The following CFAP54 variants were observed in gnomAD, a reference collection of about 807,000 sequenced individuals.
CFAP54 encodes cilia and flagella associated protein 54.
In CFAP54, 290 loss-of-function variants were observed where a neutral mutation model predicts 370.4. That is an observed-to-expected ratio of 0.78 (90% CI 0.71 to 0.86). CFAP54 has a LOEUF of 0.86. Ranked by LOEUF, CFAP54 falls within the 40% of genes least tolerant of loss-of-function variation. The pLI is 0.00. For synonymous variants in CFAP54, 1,206 were observed against 1,236.5 expected (o/e 0.98, Z 0.52); for missense variants, 3,399 against 3,528.7 (o/e 0.96, Z 0.93).
intron 2 of CFAP54, among the ~76,000 whole-genome samples, chr12:96,501,783 T>C (rs113581949): frequency 0.012 from 1,800 of 152,342 alleles, 21 homozygotes; most frequent in Middle Eastern, 0.031. Flanking sequence ...AAATAGAGGA[T>C]ATGAGTGGTG....
At chr12:96,825,359 T>TATATAATATAA in intron 65 of CFAP54, among the ~76,000 whole-genome samples, 1 of 124,908 alleles carries the variant, frequency 8.0e-6, no homozygotes, top group African/African-American at 3.1e-5. Flanking sequence ...ACATGTTATA[T>TATATAATATAA]TATATATTAT....
At chr12:96,557,721 A>G (rs559910073) in intron 17 of CFAP54, among the ~76,000 whole-genome samples, 3 of 152,066 alleles carry the variant, frequency 2.0e-5, no homozygotes, top group Non-Finnish European at 4.4e-5. Context: ...ATAAAATGAA[A>G]GACTACATTC....
chr12:96,702,220 TA>T (rs1448100257), intron 46 of CFAP54, among the ~76,000 whole-genome samples: 3 of 64,892 alleles, frequency 4.6e-5, no homozygotes, highest in African/African-American at 1.1e-4. Context: ...CTGCTCCAGA[TA>T]GGAGCATGTT....
At chr12:96,504,994 TTTTCTTTCTTTC>T (rs140087516) in intron 3 of CFAP54, among the ~76,000 whole-genome samples, 2 of 148,916 alleles carry the variant, frequency 1.3e-5, no homozygotes, top group African/African-American at 2.5e-5. Context: ...TCTTCTTTCT[TTTTCTTTCTTTC>T]TTTCTTTCTT....
At chr12:96,812,144 G>A (rs1958934477) in intron 64 of CFAP54, among the ~76,000 whole-genome samples, 2 of 152,156 alleles carry the variant, frequency 1.3e-5, no homozygotes, top group African/African-American at 2.4e-5. Flanking sequence ...ATAGTACTGA[G>A]GGTTGCTGAA....
intron 44 of CFAP54, among the ~76,000 whole-genome samples, chr12:96,693,359 T>G (rs1325262157): frequency 6.6e-6 from 1 of 152,244 alleles, no homozygotes; most frequent in African/African-American, 2.4e-5. Flanking sequence ...GTAGCTCATT[T>G]GCTAGAATTT....
intron 17 of CFAP54, among the ~76,000 whole-genome samples, chr12:96,561,013 T>A (rs79119601): frequency 0.011 from 1,738 of 152,354 alleles, 20 homozygotes; most frequent in Middle Eastern, 0.034. Context: ...ATTCCTTTTT[T>A]ACTAATCTTT....
chr12:96,540,815 G>A (rs1259550341), intron 13 of CFAP54, 22 bp from the exon 14 acceptor site: 2 of 1,373,672 alleles, frequency 1.5e-6, no homozygotes, highest in African/African-American at 1.5e-5. Context: ...AATTAATTTT[G>A]CTGTGTATTT....
At chr12:96,722,345 G>T (rs917640490) in intron 50 of CFAP54, among the ~76,000 whole-genome samples, 2 of 152,132 alleles carry the variant, frequency 1.3e-5, no homozygotes, top group African/African-American at 4.8e-5. Flanking sequence ...CATTGATGAG[G>T]TGACATCTGA....
At chr12:96,500,542 A>G (rs911133626) in intron 1 of CFAP54, among the ~76,000 whole-genome samples, 2 of 152,176 alleles carry the variant, frequency 1.3e-5, no homozygotes, top group African/African-American at 4.8e-5. Flanking sequence ...GTTTGGGGGC[A>G]CAGGGTATAT....
intron 28 of CFAP54, among the ~76,000 whole-genome samples, chr12:96,624,981 T>A (rs1956535048): frequency 1.3e-5 from 2 of 152,204 alleles, no homozygotes; most frequent in Admixed American, 1.3e-4. Flanking sequence ...TTTCATAATA[T>A]CAGTAAAAAT....
rs1956136125 is a variant in CFAP54 at position 96,592,512 on chromosome 12, G to A, written c.3235G>A (p.Glu1079Lys). The A allele has an allele frequency of 1.3e-6, 1 of 741,864 alleles. No homozygotes were observed. Among genetic ancestry groups the A allele is most frequent in the Admixed American group, 3.3e-5 (1 of 30,446 alleles). The allele number at this position is 741,864 out of a possible 1,614,324, so 46.0% of individuals were successfully genotyped here. ...CAGATTACATTCAGATATTTTGGCA[G>A]AGACTTCTTCAATCCTCTTGTACCT... ...QRRLHSDILA[E>K]TSSILLYLFL... The change falls in exon 24 of 68, where the codon GAG becomes AAG. Residue 1079 changes from glutamate to lysine, a missense_variant. Physicochemically the swap from Glu to Lys is moderately conservative, Grantham distance 56. Coordinates refer to ENST00000524981, the MANE Select transcript of CFAP54 (RefSeq NM_001306084.2).
chr12:96,836,784 G>C (rs1346023938), intron 66 of CFAP54, among the ~76,000 whole-genome samples: 2 of 152,094 alleles, frequency 1.3e-5, no homozygotes, highest in African/African-American at 4.8e-5. Flanking sequence ...TTATATGGTT[G>C]AATTTAGTAC....
chr12:96,523,473 A>G (rs2136371196), intron 8 of CFAP54, among the ~76,000 whole-genome samples: 1 of 152,318 alleles, frequency 6.6e-6, no homozygotes, highest in Non-Finnish European at 1.5e-5. Context: ...GTTTTTGGAC[A>G]TGGTACCTTT....
intron 45 of CFAP54, among the ~76,000 whole-genome samples, chr12:96,694,533 C>A (rs1249965355): frequency 6.6e-6 from 1 of 152,028 alleles, no homozygotes; most frequent in Non-Finnish European, 1.5e-5. Context: ...CATATATTCA[C>A]CCTTTTTTCT....
intron 58 of CFAP54, among the ~76,000 whole-genome samples, chr12:96,763,670 T>C (rs1958363362): frequency 1.3e-5 from 2 of 152,050 alleles, no homozygotes; most frequent in African/African-American, 4.8e-5. Flanking sequence ...TCCCAGCTAC[T>C]TGGGAGTCTG....
chr12:96,792,214 C>T (rs1370103886), intron 62 of CFAP54, 115 bp from the exon 63 acceptor site: 18 of 863,800 alleles, frequency 2.1e-5, no homozygotes, highest in Non-Finnish European at 2.5e-5. Flanking sequence ...AGATTTACCT[C>T]CATAAAACAA....
In CFAP54 at chr12:96,753,819, G is replaced by T. The variant is rs749508198; in HGVS notation, c.7761G>T (p.Leu2587=). 6.2e-7 allele frequency: 1 copy of T among 1,614,044 alleles called. No homozygotes were observed. Among genetic ancestry groups the T allele is most frequent in the Non-Finnish European group, 8.5e-7 (1 of 1,179,952 alleles). ...DPSKWLPALH[L]FDVALKLCRT... ...CGAAGTGGTTACCTGCTCTTCATCT[G>T]TTTGATGTGGCACTGAAGCTCTGTA... is the stretch of plus-strand genomic sequence containing the variant. The change falls in exon 56 of 68, where the codon CTG becomes CTT. Residue 2587 remains leucine, a synonymous_variant. Transcript: ENST00000524981.
intron 5 of CFAP54, among the ~76,000 whole-genome samples, chr12:96,513,858 C>T (rs985337105): frequency 2.6e-5 from 4 of 152,162 alleles, no homozygotes; most frequent in Non-Finnish European, 5.9e-5. Context: ...GAAGTGCTTC[C>T]ACTTCTGGCC....
Sources: gnomAD v4.1 joint callset for allele counts (sites outside exome capture counted in the v4.1 genomes callset) on GRCh38, gnomAD v4.1.1 for gene constraint, MANE v1.5 for transcripts, NCBI Gene and HGNC (gene_info 2026-07-23, HGNC 2026-07-21) for gene names.